ANKS1B: variants seen among roughly 807,000 people sequenced by gnomAD.
The protein encoded by ANKS1B is ankyrin repeat and sterile alpha motif domain containing 1B, also known as ankyrin repeat and sterile alpha motif domain-containing protein 1B.
A neutral mutation model predicts 148.3 loss-of-function variants in ANKS1B; 36 were observed. The observed-to-expected ratio is 0.24, with a 90% CI of 0.19 to 0.32. The LOEUF (loss-of-function observed/expected upper bound fraction) is 0.32, where lower values mean the gene tolerates loss of function less well. Among genes scored for constraint, ANKS1B ranks in the 10% least tolerant of loss-of-function variants. The pLI, the probability that ANKS1B is intolerant of heterozygous loss-of-function variation, is 1.00. For synonymous variants in ANKS1B, 542 were observed against 560.8 expected (o/e 0.97, Z 0.47); for missense variants, 1,157 against 1,542.6 (o/e 0.75, Z 4.19).
At chr12:98,833,124 C>A (rs921892213) in intron 17 of ANKS1B, among the ~76,000 whole-genome samples, 1 of 152,052 alleles carries the variant, frequency 6.6e-6, no homozygotes, top group Admixed American at 6.5e-5. Flanking sequence ...AGAATTGCAG[C>A]GCCTCAATCC....
At chr12:99,228,638 ATG>A (rs937178723) in intron 14 of ANKS1B, among the ~76,000 whole-genome samples, 2 of 152,050 alleles carry the variant, frequency 1.3e-5, no homozygotes, top group African/African-American at 4.8e-5. Flanking sequence ...TAAAAATTGA[ATG>A]TGCACATAGA....
At chr12:99,212,977 G>GT (rs1163995580) in intron 14 of ANKS1B, among the ~76,000 whole-genome samples, 1 of 152,212 alleles carries the variant, frequency 6.6e-6, no homozygotes, top group Non-Finnish European at 1.5e-5. Flanking sequence ...TGAATGTAAA[G>GT]TGAGTACCAG....
chr12:99,902,323 A>C (rs1371883370), intron 1 of ANKS1B, among the ~76,000 whole-genome samples: 1 of 152,192 alleles, frequency 6.6e-6, no homozygotes, highest in Non-Finnish European at 1.5e-5. Context: ...ACAAAAGGAC[A>C]TCTAGATAAC....
intron 8 of ANKS1B, among the ~76,000 whole-genome samples, chr12:99,751,425 A>G (rs1264962674): frequency 6.6e-6 from 1 of 152,072 alleles, no homozygotes; most frequent in Non-Finnish European, 1.5e-5. Context: ...TAAAAGAAGA[A>G]TGGTCCCGCC....
chr12:99,849,037 A>G (rs1018668079), intron 1 of ANKS1B, among the ~76,000 whole-genome samples: 5 of 152,110 alleles, frequency 3.3e-5, no homozygotes, highest in African/African-American at 1.2e-4. Flanking sequence ...ACTGGGAAAT[A>G]AAGAGGGGGA....
In ANKS1B at chr12:99,093,436, G is replaced by C. The variant is rs550374902; in HGVS notation, c.2527-8413C>G. The C allele has an allele frequency of 2.6e-5, 4 of 152,388 alleles. No homozygotes were observed. In the East Asian group the frequency reaches 5.8e-4, roughly 22 times the overall value. 9.4% of individuals were successfully genotyped at this position (152,388 alleles called of 1,614,324 possible). A position where few individuals can be genotyped will look rare whatever the true frequency, so the allele number is the denominator to read the frequency against. ...AGTGCCTTGTCAAACGACCTGACTG[G>C]TCAACTGGGAAAATGAAGTTCTCAG... On this transcript the variant is annotated intron_variant, in intron 15 of 26. Coordinates refer to ENST00000683438, the MANE Select transcript of ANKS1B (RefSeq NM_001352186.2).
At chr12:99,087,235 A>G (rs912319149) in intron 15 of ANKS1B, among the ~76,000 whole-genome samples, 2 of 152,242 alleles carry the variant, frequency 1.3e-5, no homozygotes, top group African/African-American at 2.4e-5. Context: ...TAAACAACTT[A>G]ATAATATCAG....
intron 16 of ANKS1B, among the ~76,000 whole-genome samples, chr12:99,063,812 T>G (rs1188242009): frequency 6.6e-6 from 1 of 152,232 alleles, no homozygotes; most frequent in East Asian, 1.9e-4. Context: ...ATTAATATAC[T>G]GTGACTGTTG....
At chr12:99,453,453 C>T (rs2095792534) in intron 10 of ANKS1B, among the ~76,000 whole-genome samples, 1 of 152,138 alleles carries the variant, frequency 6.6e-6, no homozygotes, top group South Asian at 2.1e-4. Context: ...TATGCAAAGG[C>T]CTACGTGGCA....
intron 17 of ANKS1B, among the ~76,000 whole-genome samples, chr12:98,839,540 T>C (rs1189137775): frequency 6.6e-6 from 1 of 152,224 alleles, no homozygotes; most frequent in Non-Finnish European, 1.5e-5. Flanking sequence ...AGGTACTAAC[T>C]AAGGTATTAT....
chr12:98,909,150 C>A (rs993243291), intron 17 of ANKS1B, among the ~76,000 whole-genome samples: 1 of 152,118 alleles, frequency 6.6e-6, no homozygotes, highest in African/African-American at 2.4e-5. Context: ...TCAGGCCACG[C>A]ATTTCTGGAG....
chr12:99,206,261 C>T (rs2082655743), intron 14 of ANKS1B, among the ~76,000 whole-genome samples: 2 of 152,140 alleles, frequency 1.3e-5, no homozygotes, highest in African/African-American at 4.8e-5. Flanking sequence ...GAGCACTCCA[C>T]CTTTCAGCCA....
intron 1 of ANKS1B, among the ~76,000 whole-genome samples, chr12:99,915,041 C>T (rs2094128445): frequency 6.6e-6 from 1 of 151,996 alleles, no homozygotes; most frequent in South Asian, 2.1e-4. Flanking sequence ...ACTTGACCAA[C>T]ATGGTGAAAC....
intron 12 of ANKS1B, among the ~76,000 whole-genome samples, chr12:99,388,806 G>T (rs2093964789): frequency 6.6e-6 from 1 of 152,144 alleles, no homozygotes; most frequent in African/African-American, 2.4e-5. Context: ...TCCAAAGCTA[G>T]CAACAAAGAG....
chr12:99,807,069 A>G (rs911297314), intron 3 of ANKS1B, among the ~76,000 whole-genome samples: 2 of 152,222 alleles, frequency 1.3e-5, no homozygotes, highest in East Asian at 3.8e-4. Flanking sequence ...CAAAACAATT[A>G]TAACAGACTT....
At chr12:99,153,020 G>T (rs919927498) in intron 15 of ANKS1B, among the ~76,000 whole-genome samples, 1 of 151,980 alleles carries the variant, frequency 6.6e-6, no homozygotes, top group African/African-American at 2.4e-5. Flanking sequence ...AACAGTAGCT[G>T]CATATATCAG....
intron 14 of ANKS1B, among the ~76,000 whole-genome samples, chr12:99,181,577 T>G (rs2079114087): frequency 6.6e-6 from 1 of 152,154 alleles, no homozygotes; most frequent in Non-Finnish European, 1.5e-5. Context: ...AATTTGAAAT[T>G]TTCATATTCA....
chr12:99,257,903 GAAC>G (rs753539113), intron 12 of ANKS1B, among the ~76,000 whole-genome samples: 8 of 152,096 alleles, frequency 5.3e-5, no homozygotes, highest in African/African-American at 1.2e-4. Context: ...TCTGCACTCA[GAAC>G]AACAACAGCC....
chr12:99,661,045 T>C (rs2153453472), intron 8 of ANKS1B, among the ~76,000 whole-genome samples: 1 of 152,124 alleles, frequency 6.6e-6, no homozygotes, highest in African/African-American at 2.4e-5. Context: ...TTCCAGGGCC[T>C]TGAAGCATGA....
Sources: allele counts gnomAD v4.1 joint callset (sites outside exome capture counted in the v4.1 genomes callset), GRCh38; gene constraint gnomAD v4.1.1; transcripts MANE v1.5; gene names NCBI Gene and HGNC (gene_info 2026-07-23, HGNC 2026-07-21).